ARID2: variants seen among roughly 807,000 people sequenced by gnomAD.
The protein encoded by ARID2 is AT-rich interaction domain 2.
In ARID2, 32 loss-of-function variants were observed where a neutral mutation model predicts 184.6. That is an observed-to-expected ratio of 0.17 (90% CI 0.13 to 0.23). The LOEUF (loss-of-function observed/expected upper bound fraction) is 0.23. Among genes scored for constraint, ARID2 ranks in the 10% least tolerant of loss-of-function variants. ARID2 has a pLI of 1.00. For missense variants in ARID2, 1,696 were observed against 2,197.6 expected, an observed-to-expected ratio of 0.77 and a Z score of 4.56; for synonymous variants, 836 against 772.6, an observed-to-expected ratio of 1.08 and a Z score of -1.36.
chr12:45,905,111 A>C lies in ARID2; in HGVS notation c.*33A>C. ...TTCCACTTACACAGTGGGGGACTCAAAGTCAGCCACATTTCACATACTGTT... is the reference window on the plus strand; with the variant it reads ...TTCCACTTACACAGTGGGGGACTCACAGTCAGCCACATTTCACATACTGTT... On this transcript the variant is annotated 3_prime_UTR_variant, in exon 21 of 21. Coordinates refer to ENST00000334344, the MANE Select transcript of ARID2 (RefSeq NM_152641.4). The C allele has an allele frequency of 1.9e-6, 3 of 1,601,228 alleles. No homozygotes were observed. The highest frequency in any genetic ancestry group is 2.6e-6 in the Non-Finnish European group (3 of 1,173,070).
chr12:45,762,616 GTGT>G (rs1303626553), intron 3 of ARID2, among the ~76,000 whole-genome samples: 2 of 152,198 alleles, frequency 1.3e-5, no homozygotes, highest in African/African-American at 2.4e-5. Context: ...ATGTCTTCAA[GTGT>G]TGTTGAACTG....
intron 16 of ARID2, among the ~76,000 whole-genome samples, chr12:45,891,119 C>T (rs1183336480): frequency 3.3e-5 from 5 of 150,964 alleles, no homozygotes; most frequent in Non-Finnish European, 7.4e-5. Context: ...GAGCCGAGAT[C>T]GCACCACTGC....
chr12:45,767,085 C>T (rs1484117878), intron 3 of ARID2, among the ~76,000 whole-genome samples: 2 of 152,164 alleles, frequency 1.3e-5, no homozygotes, highest in African/African-American at 4.8e-5. Context: ...TTTTGCCATC[C>T]TCATAGGTGT....
chr12:45,904,689 CAAAAAAAAAAA>C (rs755707280), intron 20 of ARID2, among the ~76,000 whole-genome samples: 101 of 35,682 alleles, frequency 2.8e-3, no homozygotes, highest in Non-Finnish European at 5.9e-3. Flanking sequence ...GACTCCTTCT[CAAAAAAAAAAA>C]AAAAAAAAAA....
chr12:45,825,393 A>T (rs1942977446), intron 6 of ARID2, among the ~76,000 whole-genome samples: 1 of 152,120 alleles, frequency 6.6e-6, no homozygotes, highest in African/African-American at 2.4e-5. Context: ...AAAATTTGTT[A>T]TTGAGCTATC....
At chr12:45,877,048 C>T (rs1056363754) in intron 16 of ARID2, among the ~76,000 whole-genome samples, 4 of 147,670 alleles carry the variant, frequency 2.7e-5, no homozygotes, top group African/African-American at 7.6e-5. Flanking sequence ...GCCCAGATCA[C>T]GCCACTGCAC....
At chr12:45,730,194 C>T (rs2137960206) in intron 2 of ARID2, 57 bp downstream of exon 2, 7 of 1,577,870 alleles carry the variant, frequency 4.4e-6, no homozygotes, top group South Asian at 3.4e-5. Context: ...AAAAAGTCTC[C>T]TTTGACCCCG....
At chr12:45,801,945 A>C (rs868178506) in intron 3 of ARID2, among the ~76,000 whole-genome samples, 1 of 152,198 alleles carries the variant, frequency 6.6e-6, no homozygotes, top group African/African-American at 2.4e-5. Flanking sequence ...TATCAGTATA[A>C]AAGTTGTTTT....
At chr12:45,753,514 A>G (rs1941507322) in intron 3 of ARID2, among the ~76,000 whole-genome samples, 1 of 152,308 alleles carries the variant, frequency 6.6e-6, no homozygotes, top group South Asian at 2.1e-4. Flanking sequence ...ACATTAGTAT[A>G]TGTAGTGTCT....
At chr12:45,763,296 C>T (rs1941713734) in intron 3 of ARID2, among the ~76,000 whole-genome samples, 1 of 152,054 alleles carries the variant, frequency 6.6e-6, no homozygotes, top group Non-Finnish European at 1.5e-5. Flanking sequence ...TAGTGAAACC[C>T]CGTCTCTACT....
At chr12:45,899,697 A>ATATATATATGGTTTTATATATATGGT (rs1565644923) in intron 20 of ARID2, among the ~76,000 whole-genome samples, 1 of 105,524 alleles carries the variant, frequency 9.5e-6, no homozygotes, top group Non-Finnish European at 1.8e-5. Context: ...ATATATGGTT[A>ATATATATATGGTTTTATATATATGGT]TATATATATA....
intron 3 of ARID2, among the ~76,000 whole-genome samples, chr12:45,744,703 T>C (rs920928896): frequency 6.6e-6 from 1 of 152,202 alleles, no homozygotes; most frequent in Admixed American, 6.5e-5. Flanking sequence ...ATAATTATTT[T>C]AGTCTTACAA....
At position 45,778,298 on chromosome 12, in the gene ARID2, A is replaced by G. The variant is rs1193709941; in HGVS notation, c.285-33120A>G. The stretch of plus-strand genomic sequence containing the variant: ...ATTATAGATCTAGGATATAGATGGC[A>G]GAGTAGAGGTAACCTCTTATGGTGT... On this transcript the variant is annotated intron_variant, in intron 3 of 20. Coordinates refer to ENST00000334344, the MANE Select transcript of ARID2 (RefSeq NM_152641.4). 3.3e-5 allele frequency among the ~76,000 whole-genome samples: 5 copies of G among 152,312 alleles called. No individual in the cohort carries two copies. The East Asian group carries it at 9.6e-4, about 29-fold the overall frequency.
intron 6 of ARID2, among the ~76,000 whole-genome samples, chr12:45,835,772 T>C (rs1943209337): frequency 1.3e-5 from 2 of 151,940 alleles, no homozygotes; most frequent in African/African-American, 4.8e-5. Context: ...TGGTGGCGCG[T>C]GCCTATAATT....
chr12:45,825,722 G>A (rs1239457309), intron 6 of ARID2, among the ~76,000 whole-genome samples: 1 of 151,990 alleles, frequency 6.6e-6, no homozygotes, highest in Non-Finnish European at 1.5e-5. Flanking sequence ...TAATTAGTTG[G>A]GCATCGTGGT....
Position 45,805,087 on chromosome 12 carries a change from G to C in ARID2, c.285-6331G>C, listed in dbSNP as rs187583102. On this transcript the variant is annotated intron_variant, in intron 3 of 20. Coordinates refer to ENST00000334344, the MANE Select transcript of ARID2 (RefSeq NM_152641.4). ...ATTTTTATCTATGCTTTCCTTTATG[G>C]ATGTTTGTGTTGTTTCCAGTTGGTT... 9.1e-4 allele frequency among the ~76,000 whole-genome samples: 138 copies of C among 152,016 alleles called. 1 individual carries two copies. The highest frequency in any genetic ancestry group is 3.2e-3 in the African/African-American group (132 of 41,486).
In ARID2 at chr12:45,851,663, G is replaced by A. The variant is rs764986243; in HGVS notation, c.3540G>A (p.Thr1180=). The part of the protein sequence containing the change: ...NQVTITVVPN[T]SFAPATVSQG... Reference sequence around the variant, plus strand: ...TAACCATAACAGTTGTGCCAAATACGAGTTTTGCACCTGCAACTGTGAGTC... The same window carrying A: ...TAACCATAACAGTTGTGCCAAATACAAGTTTTGCACCTGCAACTGTGAGTC... The change falls in exon 15 of 21, where the codon ACG becomes ACA. Residue 1180 remains threonine (T), a synonymous_variant. Coordinates refer to ENST00000334344, the MANE Select transcript of ARID2 (RefSeq NM_152641.4). 11 of 1,613,982 alleles carry A rather than the reference G, an allele frequency of 6.8e-6. No individual in the cohort carries two copies. The highest frequency in any genetic ancestry group is 9.3e-6 in the Non-Finnish European group (11 of 1,180,022).
chr12:45,893,615 T>C lies in ARID2; in HGVS notation c.5272-15T>C, dbSNP rs746876702. ...TGATTTAGATCTTTATTCTTTTTTT[T>C]CCTTTCTTTTTAAGGATGAAAAAGA... On this transcript the variant is annotated splice_polypyrimidine_tract_variant and intron_variant, in intron 19 of 20. Transcript: ENST00000334344. 3.1e-6 allele frequency: 5 copies of C among 1,603,112 alleles called. No individual in the cohort carries two copies. The highest frequency in any genetic ancestry group is 4.2e-6 in the Non-Finnish European group (5 of 1,177,348).
At position 45,850,333 on chromosome 12, in the gene ARID2, G is replaced by A. The variant is rs376922251; in HGVS notation, c.2210G>A (p.Gly737Glu). The A allele has an allele frequency of 6.2e-7, 1 of 1,613,862 alleles. No individual in the cohort carries two copies. Among genetic ancestry groups the A allele is most frequent in the African/African-American group, 1.3e-5 (1 of 74,898 alleles). Residue 737 changes from glycine (G) to glutamate (E), a missense_variant, in exon 15 of 21, where the codon GGA becomes GAA. Transcript: ENST00000334344. Reference sequence around the variant, plus strand: ...CCTGTTAGTATTGCTGTTGGAGGAGGACCTCCACAGAGTTCTGTTGTTCAG... The same window carrying A: ...CCTGTTAGTATTGCTGTTGGAGGAGAACCTCCACAGAGTTCTGTTGTTCAG... Reference protein sequence around the residue: ...GVPVSIAVGGGPPQSSVVQNH... With the variant: ...GVPVSIAVGGEPPQSSVVQNH...
Sources: allele counts gnomAD v4.1 joint callset (sites outside exome capture counted in the v4.1 genomes callset), GRCh38; gene constraint gnomAD v4.1.1; transcripts MANE v1.5; gene names NCBI Gene and HGNC (gene_info 2026-07-23, HGNC 2026-07-21).